TNFAIP8: variants seen among roughly 807,000 people sequenced by gnomAD.
TNFAIP8 encodes tumor necrosis factor alpha-induced protein 8.
TNFAIP8 carries 7 observed loss-of-function variants against 13.3 expected under a neutral mutation model. The observed-to-expected ratio is 0.52, with a 90% CI of 0.30 to 0.99. The LOEUF is 0.99. TNFAIP8 is among the 50% of genes least tolerant of loss of function. The pLI is 0.07. For missense variants in TNFAIP8, 258 were observed against 236.9 expected, an observed-to-expected ratio of 1.09 and a Z score of -0.58; for synonymous variants, 94 against 87.6, an observed-to-expected ratio of 1.07 and a Z score of -0.41.
chr5:119,307,019 C>A (rs1302416603), intron 1 of TNFAIP8, among the ~76,000 whole-genome samples: 3 of 152,210 alleles, frequency 2.0e-5, no homozygotes, highest in Non-Finnish European at 4.4e-5. Flanking sequence ...ATTGGTACAG[C>A]CCAATTTCAA....
intron 1 of TNFAIP8, among the ~76,000 whole-genome samples, chr5:119,390,449 C>G (rs1752848485): frequency 6.6e-6 from 1 of 152,074 alleles, no homozygotes; most frequent in Non-Finnish European, 1.5e-5. Context: ...TACTCTTTTG[C>G]AAATCATTGA....
chr5:119,371,472 A>G (rs1752068044), intron 1 of TNFAIP8, among the ~76,000 whole-genome samples: 1 of 152,196 alleles, frequency 6.6e-6, no homozygotes, highest in Non-Finnish European at 1.5e-5. Flanking sequence ...AACTGCCCTC[A>G]CCGTTCTTTT....
chr5:119,303,927 A>T (rs1267381694), intron 1 of TNFAIP8, among the ~76,000 whole-genome samples: 1 of 152,188 alleles, frequency 6.6e-6, no homozygotes, highest in Non-Finnish European at 1.5e-5. Flanking sequence ...TGAGTTCTAA[A>T]TGTCAGTATT....
At chr5:119,295,511 C>T (rs2112639323) in intron 1 of TNFAIP8, among the ~76,000 whole-genome samples, 1 of 152,112 alleles carries the variant, frequency 6.6e-6, no homozygotes, top group East Asian at 1.9e-4. Context: ...GTACCAGTAC[C>T]ATGCTGTTTT....
intron 1 of TNFAIP8, among the ~76,000 whole-genome samples, chr5:119,372,122 G>A (rs1448666013): frequency 6.7e-6 from 1 of 149,550 alleles, no homozygotes; most frequent in Admixed American, 6.7e-5. Context: ...GGGCGACAGA[G>A]CAAGACTCCA....
intron 1 of TNFAIP8, among the ~76,000 whole-genome samples, chr5:119,299,684 T>C (rs1448365872): frequency 6.6e-6 from 1 of 152,132 alleles, no homozygotes; most frequent in Non-Finnish European, 1.5e-5. Flanking sequence ...ACTGCTGTCT[T>C]TTTGTTTGTT....
intron 1 of TNFAIP8, among the ~76,000 whole-genome samples, chr5:119,277,181 A>G (rs1054958020): frequency 1.3e-5 from 2 of 152,184 alleles, no homozygotes; most frequent in African/African-American, 4.8e-5. Context: ...CAACTGTGGA[A>G]ACCGAGACCA....
rs35633858 is a variant in TNFAIP8 at position 119,350,952 on chromosome 5, T to TTGTGTGTGTGTGTGTG, written c.2-41852_2-41837dup. On this transcript the variant is annotated intron_variant, in intron 1 of 1. Coordinates refer to the TNFAIP8 transcript ENST00000274456. ...TACAATTTTTTAACTCTATGTGTAT[T>TTGTGTGTGTGTGTGTG]TGTGTGTGTGTGTGTGTGTGTGTGT... Among the ~76,000 whole-genome samples, 300 of 144,790 alleles carry TTGTGTGTGTGTGTGTG rather than the reference T, an allele frequency of 2.1e-3. 1 individual carries two copies. Among genetic ancestry groups the TTGTGTGTGTGTGTGTG allele is most frequent in the African/African-American group, 7.0e-3 (270 of 38,690 alleles). 95.0% of individuals were successfully genotyped at this position (144,790 alleles called of 152,430 possible).
chr5:119,346,454 G>GA (rs1750904494), intron 1 of TNFAIP8, among the ~76,000 whole-genome samples: 2 of 152,116 alleles, frequency 1.3e-5, no homozygotes, highest in Admixed American at 1.3e-4. Context: ...GCTAACAAAA[G>GA]AAAAAATATG....
chr5:119,324,388 C>A (rs1256544008), intron 1 of TNFAIP8, among the ~76,000 whole-genome samples: 2 of 150,902 alleles, frequency 1.3e-5, no homozygotes, highest in South Asian at 2.1e-4. Context: ...TTCTAAGTCT[C>A]CATCCTCTCA....
At chr5:119,349,286 T>C (rs1307470273) in intron 1 of TNFAIP8, among the ~76,000 whole-genome samples, 1 of 152,234 alleles carries the variant, frequency 6.6e-6, no homozygotes, top group Non-Finnish European at 1.5e-5. Flanking sequence ...TTAATCATGA[T>C]TATATTTGGA....
At chr5:119,308,680 G>A (rs1021122856) in intron 1 of TNFAIP8, among the ~76,000 whole-genome samples, 1 of 151,824 alleles carries the variant, frequency 6.6e-6, no homozygotes, top group Non-Finnish European at 1.5e-5. Context: ...CTTTCAGGAC[G>A]GTGAAACCCC....
At chr5:119,284,391 A>G (rs1748716203) in intron 1 of TNFAIP8, among the ~76,000 whole-genome samples, 2 of 152,110 alleles carry the variant, frequency 1.3e-5, no homozygotes, top group African/African-American at 4.8e-5. Flanking sequence ...TCTCAGAGCT[A>G]TTTAAAAATC....
upstream of TNFAIP8, chr5:119,355,138 T>G: frequency 2.6e-4 from 149 of 576,784 alleles, no homozygotes; most frequent in East Asian, 5.5e-4. Context: ...GGGGCAGAAT[T>G]GAGATCTGTT....
chr5:119,281,306 A>ACTCTCT (rs34012819), intron 1 of TNFAIP8, among the ~76,000 whole-genome samples: 44 of 114,182 alleles, frequency 3.9e-4, no homozygotes, highest in East Asian at 1.7e-3. Flanking sequence ...ACACACACAC[A>ACTCTCT]CTCTCTCTCT....
chr5:119,360,457 A>T (rs1751589268), intron 1 of TNFAIP8, among the ~76,000 whole-genome samples: 1 of 152,184 alleles, frequency 6.6e-6, no homozygotes, highest in African/African-American at 2.4e-5. Context: ...ACCAAATGAT[A>T]TGTATATCTT....
Position 119,395,533 on chromosome 5 carries a change from A to T in TNFAIP8, c.*2152A>T, listed in dbSNP as rs564107103. 6.6e-6 allele frequency: 1 copy of T among 152,378 alleles called. No individual in the cohort carries two copies. Among genetic ancestry groups the T allele is most frequent in the East Asian group, 1.9e-4 (1 of 5,182 alleles). 9.4% of individuals were successfully genotyped at this position (152,378 alleles called of 1,614,324 possible). On this transcript the variant is annotated 3_prime_UTR_variant, in exon 2 of 2. Coordinates refer to ENST00000504771, the MANE Select transcript of TNFAIP8 (RefSeq NM_014350.4). ...CATAGGGTTGTGCCAGCAGGCTAGC[A>T]ATCAAATGTGCATGGGATTGGGGGA...
intron 1 of TNFAIP8, among the ~76,000 whole-genome samples, chr5:119,288,155 ATCC>A (rs1275973392): frequency 6.6e-6 from 1 of 152,222 alleles, no homozygotes; most frequent in East Asian, 1.9e-4. Flanking sequence ...ATTCCTTTCC[ATCC>A]TCATCTGTGG....
upstream of TNFAIP8, chr5:119,354,604 G>T (rs535583835): frequency 6.6e-6 from 1 of 152,248 alleles, no homozygotes; most frequent in African/African-American, 2.4e-5. Flanking sequence ...AGTCCTTATG[G>T]TTTTCAAATC....
Sources: allele counts gnomAD v4.1 joint callset (sites outside exome capture counted in the v4.1 genomes callset), GRCh38; gene constraint gnomAD v4.1.1; transcripts MANE v1.5; gene names NCBI Gene and HGNC (gene_info 2026-07-23, HGNC 2026-07-21).